Variants in ADGRV1 observed in about 807,000 individuals in gnomAD.
ADGRV1 encodes the protein adhesion G protein-coupled receptor V1.
In ADGRV1, 359 loss-of-function variants were observed where a neutral mutation model predicts 596.2. That is an observed-to-expected ratio of 0.60 (90% CI 0.55 to 0.66). The LOEUF (loss-of-function observed/expected upper bound fraction) is 0.66, where lower values mean the gene tolerates loss of function less well. ADGRV1 is among the 30% of genes least tolerant of loss of function. The pLI is 0.00. For synonymous variants in ADGRV1, 2,681 were observed against 2,679.2 expected (o/e 1.00, Z -0.02); for missense variants, 7,274 against 7,575.6 (o/e 0.96, Z 1.48).
chr5:90,923,677 C>T (rs183261761), intron 83 of ADGRV1, among the ~76,000 whole-genome samples: 18 of 152,044 alleles, frequency 1.2e-4, no homozygotes, highest in South Asian at 2.1e-4. Flanking sequence ...ATGTGCACAT[C>T]GTGCAGGTTA....
At chr5:90,874,832 C>T (rs944884444) in intron 83 of ADGRV1, among the ~76,000 whole-genome samples, 2 of 150,400 alleles carry the variant, frequency 1.3e-5, no homozygotes, top group African/African-American at 2.4e-5. Context: ...CACTCCAGCC[C>T]GGGCGACAGC....
chr5:91,008,228 T>A (rs150819177), intron 85 of ADGRV1, among the ~76,000 whole-genome samples: 1 of 152,290 alleles, frequency 6.6e-6, no homozygotes, highest in Non-Finnish European at 1.5e-5. Context: ...ACAGCTGACT[T>A]CCGTGGTCAG....
At chr5:91,156,710 A>G (rs1172121206) in intron 89 of ADGRV1, among the ~76,000 whole-genome samples, 1 of 152,200 alleles carries the variant, frequency 6.6e-6, no homozygotes, top group Non-Finnish European at 1.5e-5. Flanking sequence ...AAAAGACCAA[A>G]ATAACAATCT....
At chr5:91,084,555 C>T (rs557984018) in intron 86 of ADGRV1, among the ~76,000 whole-genome samples, 2 of 152,166 alleles carry the variant, frequency 1.3e-5, no homozygotes, top group African/African-American at 4.8e-5. Context: ...GTTAGAATGG[C>T]GATCATTAAA....
In ADGRV1 at chr5:90,697,009, T is replaced by C. The variant is rs1189891490; in HGVS notation, c.8018T>C (p.Val2673Ala). 6.2e-7 allele frequency: 1 copy of C among 1,613,266 alleles called. No individual in the cohort carries two copies. Among genetic ancestry groups the C allele is most frequent in the South Asian group, 1.1e-5 (1 of 91,052 alleles). ...CCAGAGGATGACGAAAGTATCATAG[T>C]TAGTTTGGTGTACACTGAAGGTGGA... The part of the protein sequence containing the change: ...SEPEDDESII[V>A]SLVYTEGGSR... The change falls in exon 34 of 90, where the codon GTT (valine) becomes GCT (alanine). Residue 2673 changes from valine (V) to alanine (A), a missense_variant. Physicochemically the swap from Val to Ala is moderately conservative, Grantham distance 64. Coordinates refer to ENST00000405460, the MANE Select transcript of ADGRV1 (RefSeq NM_032119.4).
At chr5:90,950,542 G>A (rs1360173249) in intron 83 of ADGRV1, among the ~76,000 whole-genome samples, 2 of 152,042 alleles carry the variant, frequency 1.3e-5, no homozygotes, top group Admixed American at 6.5e-5. Flanking sequence ...GGCTGGTCTC[G>A]AACTCATGAC....
chr5:90,714,742 A>AC (rs796554046), intron 42 of ADGRV1, among the ~76,000 whole-genome samples: 17 of 152,096 alleles, frequency 1.1e-4, no homozygotes, highest in African/African-American at 3.9e-4. Flanking sequence ...TGAAATATCT[A>AC]CCCTTCTTTT....
intron 83 of ADGRV1, among the ~76,000 whole-genome samples, chr5:90,954,475 C>A (rs1256991447): frequency 6.6e-6 from 1 of 151,982 alleles, no homozygotes; most frequent in East Asian, 1.9e-4. Flanking sequence ...AACATTTGAA[C>A]AAAATCCTAA....
chr5:90,756,915 TAG>T (rs1039950229), intron 56 of ADGRV1, 62 bp from the exon 57 acceptor site: 1 of 1,297,450 alleles, frequency 7.7e-7, no homozygotes, highest in African/African-American at 1.5e-5. Flanking sequence ...ACAATAACTT[TAG>T]AAAGATGACT....
intron 29 of ADGRV1, among the ~76,000 whole-genome samples, chr5:90,688,241 G>A (rs1373323917): frequency 3.9e-5 from 6 of 152,182 alleles, no homozygotes; most frequent in Admixed American, 3.3e-4. Context: ...AAATAACGCC[G>A]CATATCTACA....
intron 7 of ADGRV1, 81 bp from the exon 8 acceptor site, chr5:90,628,481 A>G (rs1251912169): frequency 8.5e-7 from 1 of 1,180,778 alleles, no homozygotes; most frequent in Admixed American, 1.9e-5. Context: ...TGTCTAATGG[A>G]CAACTTGACA....
rs1250073917 is a variant in ADGRV1, at chr5:90,708,876, A to T, written c.8791A>T (p.Met2931Leu). ...LVNLTYVGLT[M>L]AASTSFPPRL... ...GAATTTAACTTACGTTGGACTTACC[A>T]TGGCTGCTTCAACTTCATTTCCTCC... The change falls in exon 39 of 90, where the codon ATG (methionine) becomes TTG (leucine). Residue 2931 changes from methionine (M) to leucine (L), a missense_variant. Transcript: ENST00000405460. The T allele has an allele frequency of 6.2e-7, 1 of 1,612,232 alleles. No individual in the cohort carries two copies. Among genetic ancestry groups the T allele is most frequent in the Non-Finnish European group, 8.5e-7 (1 of 1,178,804 alleles).
chr5:90,842,990 CAA>C lies in ADGRV1; in HGVS notation c.17019+2009_17019+2010del, dbSNP rs138903665. Among the ~76,000 whole-genome samples the C allele has an allele frequency of 3.3e-5, 5 of 151,724 alleles. No homozygotes were observed. In the East Asian group the frequency reaches 9.7e-4, roughly 29 times the overall value. On this transcript the variant is annotated intron_variant, in intron 78 of 89. Transcript: ENST00000405460. ...ACATACAGAAAATATATAAAGAAAA[CAA>C]AAATTCTACTAACATAGACTTCAGT...
At chr5:90,984,319 T>A (rs963940243) in intron 84 of ADGRV1, among the ~76,000 whole-genome samples, 1 of 152,188 alleles carries the variant, frequency 6.6e-6, no homozygotes, top group Non-Finnish European at 1.5e-5. Context: ...GTTTGAAATA[T>A]GTATGGCATG....
At chr5:90,708,731 A>G in intron 38 of ADGRV1, 85 bp from the exon 39 acceptor site, 2 of 830,576 alleles carry the variant, frequency 2.4e-6, no homozygotes, top group Non-Finnish European at 4.0e-6. Context: ...TATACTAATT[A>G]TACAGTTTAA....
At chr5:90,971,985 A>C (rs953247231) in intron 84 of ADGRV1, among the ~76,000 whole-genome samples, 1 of 152,142 alleles carries the variant, frequency 6.6e-6, no homozygotes, top group African/African-American at 2.4e-5. Context: ...CACATAGGCT[A>C]AAAATAAAGG....
intron 83 of ADGRV1, among the ~76,000 whole-genome samples, chr5:90,955,620 T>A (rs1012542714): frequency 2.6e-5 from 4 of 152,342 alleles, no homozygotes; most frequent in African/African-American, 9.6e-5. Flanking sequence ...ATTGAAATAC[T>A]TTCCCCCTCT....
chr5:90,673,321 T>C (rs1453502678), intron 22 of ADGRV1, among the ~76,000 whole-genome samples: 5 of 152,174 alleles, frequency 3.3e-5, no homozygotes, highest in African/African-American at 1.2e-4. Flanking sequence ...AGTTTCTTAA[T>C]TGGGAAGTCT....
chr5:90,825,396 T>G (rs978234919), intron 76 of ADGRV1, among the ~76,000 whole-genome samples: 26 of 152,356 alleles, frequency 1.7e-4, no homozygotes, highest in Middle Eastern at 6.8e-3. Context: ...TGTTACAACT[T>G]ATGCATAGTT....
Sources: allele counts gnomAD v4.1 joint callset (sites outside exome capture counted in the v4.1 genomes callset), GRCh38; gene constraint gnomAD v4.1.1; transcripts MANE v1.5; gene names NCBI Gene and HGNC (gene_info 2026-07-23, HGNC 2026-07-21).